KMT2C: variants seen among roughly 807,000 people sequenced by gnomAD.
The protein encoded by KMT2C is lysine methyltransferase 2C.
A neutral mutation model predicts 507.9 loss-of-function variants in KMT2C; 88 were observed. That is an observed-to-expected ratio of 0.17 (90% CI 0.15 to 0.21). The LOEUF (loss-of-function observed/expected upper bound fraction) is 0.21. KMT2C is among the 10% of genes least tolerant of loss of function. KMT2C has a pLI of 1.00. For missense variants in KMT2C, 4,954 were observed against 5,957.8 expected, an observed-to-expected ratio of 0.83 and a Z score of 5.55; for synonymous variants, 2,049 against 2,080.8, an observed-to-expected ratio of 0.98 and a Z score of 0.42.
chr7:152,288,786 A>G (rs2096354106), intron 6 of KMT2C, among the ~76,000 whole-genome samples: 1 of 152,272 alleles, frequency 6.6e-6, no homozygotes, highest in South Asian at 2.1e-4. Context: ...CCTGAGATAA[A>G]TAAGAGAAAT....
chr7:152,328,014 G>A (rs564473456), intron 3 of KMT2C, among the ~76,000 whole-genome samples: 10 of 150,958 alleles, frequency 6.6e-5, no homozygotes, highest in African/African-American at 1.5e-4. Context: ...CCTAATCTCC[G>A]TCAGGAACTA....
At chr7:152,319,966 A>G (rs1463100079) in intron 3 of KMT2C, among the ~76,000 whole-genome samples, 3 of 151,870 alleles carry the variant, frequency 2.0e-5, no homozygotes, top group East Asian at 2.0e-4. Flanking sequence ...TATCCAATAC[A>G]TATCTGCGCA....
In KMT2C at chr7:152,248,153, T is replaced by TTATAGATTTGCCTCC. The variant is rs1174390580; in HGVS notation, c.2266_2280dup (p.Gly756_Ile760dup). On this transcript the variant is annotated inframe_insertion, in exon 14 of 59. Transcript: ENST00000262189. ...GATGACTCTGTCTCAGATGATAACT[T>TTATAGATTTGCCTCC]TATAGATTTGCCTCCTTGGTATGAA... is the stretch of plus-strand genomic sequence containing the variant. 1 of 1,614,078 alleles carries TTATAGATTTGCCTCC rather than the reference T, an allele frequency of 6.2e-7. No homozygotes were observed. The highest frequency in any genetic ancestry group is 8.5e-7 in the Non-Finnish European group (1 of 1,179,992).
intron 6 of KMT2C, among the ~76,000 whole-genome samples, chr7:152,287,229 C>G (rs904811703): frequency 6.6e-5 from 10 of 152,300 alleles, no homozygotes; most frequent in African/African-American, 2.2e-4. Context: ...CAGGAGAGGC[C>G]TATTGGAGAA....
chr7:152,284,456 T>A lies in KMT2C; in HGVS notation c.850-10589A>T, dbSNP rs145941445. ...AAATTCTTTTATCATATGTGTAATT[T>A]AACCATAAATGGATTTTTTAAACCT... is the stretch of plus-strand genomic sequence containing the variant. On this transcript the variant is annotated intron_variant, in intron 6 of 58. Coordinates refer to ENST00000262189, the MANE Select transcript of KMT2C (RefSeq NM_170606.3). Among the ~76,000 whole-genome samples the A allele has an allele frequency of 7.6e-3, 1,152 of 152,268 alleles. 15 individuals are homozygous for A. The highest frequency in any genetic ancestry group is 0.027 in the African/African-American group (1,111 of 41,570).
chr7:152,157,875 C>G (rs371760883), intron 44 of KMT2C: 3 of 1,339,348 alleles, frequency 2.2e-6, no homozygotes, highest in Non-Finnish European at 2.0e-6. Flanking sequence ...GAAGAAAGTG[C>G]GCAAAGTTCA....
intron 18 of KMT2C, among the ~76,000 whole-genome samples, chr7:152,228,882 A>C (rs2095021352): frequency 6.6e-6 from 1 of 152,200 alleles, no homozygotes; most frequent in Non-Finnish European, 1.5e-5. Context: ...CTAATTTTAA[A>C]AGACTACATA....
Position 152,158,977 on chromosome 7 carries a change from T to C in KMT2C, c.11556A>G (p.Lys3852=), listed in dbSNP as rs757422333. The C allele has an allele frequency of 1.9e-6, 3 of 1,614,098 alleles. No homozygotes were observed. Among genetic ancestry groups the C allele is most frequent in the African/African-American group, 2.7e-5 (2 of 74,942 alleles). ...GGSETKKQRS[K]RTQRTGEKAA... The stretch of plus-strand genomic sequence containing the variant: ...CTTTCTCACCCGTCCTCTGAGTCCG[T>C]TTGCTTCGCTGTTTCTTGGTTTCAC... Residue 3852 remains lysine (K), a synonymous_variant, in exon 44 of 59, where the codon AAA becomes AAG. Transcript: ENST00000262189.
At chr7:152,235,207 G>GTATGTATATATA (rs950086494) in intron 16 of KMT2C, among the ~76,000 whole-genome samples, 32 of 142,504 alleles carry the variant, frequency 2.2e-4, no homozygotes, top group African/African-American at 8.4e-4. Context: ...TTTCAAGGGT[G>GTATGTATATATA]TATATATATA....
At position 152,195,973 on chromosome 7, in the gene KMT2C, A is replaced by C; in HGVS notation, c.4312T>G (p.Leu1438Val). 6.2e-7 allele frequency: 1 copy of C among 1,609,980 alleles called. No homozygotes were observed. Among genetic ancestry groups the C allele is most frequent in the Non-Finnish European group, 8.5e-7 (1 of 1,177,092 alleles). Residue 1438 changes from leucine (L) to valine (V), a missense_variant, in exon 28 of 59, where the codon TTA becomes GTA. By Grantham distance (32) the Leu-to-Val change is conservative (BLOSUM62 1). Around this residue, in one of 29 missense-constraint regions of KMT2C, gnomAD observed 140 missense variants for 118.4 expected, o/e 1.18. Transcript: ENST00000262189. ...CCAAGAATGTCATCATCTGTGTTTAAAACTTCAGAAATATCAGCTAATGGG... is the reference window on the plus strand; with the variant it reads ...CCAAGAATGTCATCATCTGTGTTTACAACTTCAGAAATATCAGCTAATGGG... ...DDPLADISEV[L>V]NTDDDILGII...
At chr7:152,306,488 T>C (rs888683135) in intron 6 of KMT2C, among the ~76,000 whole-genome samples, 1 of 152,244 alleles carries the variant, frequency 6.6e-6, no homozygotes, top group Non-Finnish European at 1.5e-5. Context: ...GCTATATGGA[T>C]GTAACACAGT....
chr7:152,362,829 T>A (rs1202491447), intron 1 of KMT2C, among the ~76,000 whole-genome samples: 2 of 152,238 alleles, frequency 1.3e-5, no homozygotes, highest in African/African-American at 4.8e-5. Context: ...AATTTTGATT[T>A]TAATTTTTGC....
intron 1 of KMT2C, among the ~76,000 whole-genome samples, chr7:152,434,139 C>A (rs570391013): frequency 6.6e-6 from 1 of 152,206 alleles, no homozygotes; most frequent in Non-Finnish European, 1.5e-5. Flanking sequence ...CTTCCTTCTA[C>A]AAATTTCAGT....
intron 43 of KMT2C, among the ~76,000 whole-genome samples, chr7:152,159,289 T>C (rs1345927183): frequency 6.6e-6 from 1 of 152,194 alleles, no homozygotes; most frequent in East Asian, 1.9e-4. Context: ...CTGCGAAGCT[T>C]GAGGAAAGAG....
chr7:152,261,077 C>T (rs1182420025), intron 9 of KMT2C, among the ~76,000 whole-genome samples: 2 of 152,218 alleles, frequency 1.3e-5, no homozygotes, highest in African/African-American at 4.8e-5. Flanking sequence ...TCAATCCAAA[C>T]AGTTACCTCT....
chr7:152,180,873 T>A lies in KMT2C; in HGVS notation c.6987A>T (p.Gly2329=). 1 of 1,614,148 alleles carries A rather than the reference T, an allele frequency of 6.2e-7. No individual in the cohort carries two copies. Among genetic ancestry groups the A allele is most frequent in the East Asian group, 2.2e-5 (1 of 44,884 alleles). The part of the protein sequence containing the change: ...AHDVADQPRP[G]SEGSFCASSN... Reference sequence around the variant, plus strand: ...AAGATGCACAGAAGCTCCCCTCTGATCCAGGCCTTGGCTGATCAGCAACAT... The same window carrying A: ...AAGATGCACAGAAGCTCCCCTCTGAACCAGGCCTTGGCTGATCAGCAACAT... Residue 2329 remains glycine (G), a synonymous_variant, in exon 36 of 59, where the codon GGA becomes GGT. Coordinates refer to ENST00000262189, the MANE Select transcript of KMT2C (RefSeq NM_170606.3).
intron 2 of KMT2C, among the ~76,000 whole-genome samples, chr7:152,352,625 T>C: frequency 6.6e-6 from 1 of 152,132 alleles, no homozygotes; most frequent in East Asian, 1.9e-4. Context: ...TTAGGGAAAA[T>C]AGAAAAGAAC....
intron 38 of KMT2C, among the ~76,000 whole-genome samples, chr7:152,175,082 G>A (rs2093138689): frequency 6.6e-6 from 1 of 151,914 alleles, no homozygotes; most frequent in East Asian, 1.9e-4. Context: ...AGAATTGAGG[G>A]AAGTTTGTAA....
Position 152,311,907 on chromosome 7 carries a change from A to G in KMT2C, c.630T>C (p.Ser210=). 1.2e-6 allele frequency: 2 copies of G among 1,610,308 alleles called. No individual in the cohort carries two copies. The highest frequency in any genetic ancestry group is 2.7e-5 in the African/African-American group (2 of 75,030). The change falls in exon 5 of 59, where the codon AGT becomes AGC. Residue 210 remains serine, a synonymous_variant. Coordinates refer to ENST00000262189, the MANE Select transcript of KMT2C (RefSeq NM_170606.3). ...SPQQNIVSCV[S]VSTQTASDDQ... ...CATCTGAAGCTGTCTGGGTGCTTAC[A>G]CTTACACAAGATACTATATTCTGCT... is the stretch of plus-strand genomic sequence containing the variant.
Sources: allele counts gnomAD v4.1 joint callset (sites outside exome capture counted in the v4.1 genomes callset), GRCh38; gene constraint gnomAD v4.1.1; regional missense constraint gnomAD v4.1.1; transcripts MANE v1.5; gene names NCBI Gene and HGNC (gene_info 2026-07-23, HGNC 2026-07-21).